Variants in CDK8 observed in about 807,000 individuals in gnomAD.
CDK8 encodes the protein cyclin dependent kinase 8.
A neutral mutation model predicts 71.5 loss-of-function variants in CDK8; 29 were observed. The observed-to-expected ratio is 0.41, with a 90% CI of 0.30 to 0.55. The LOEUF (loss-of-function observed/expected upper bound fraction) is 0.55, where lower values mean the gene tolerates loss of function less well. CDK8 is among the 20% of genes least tolerant of loss of function. The probability of loss-of-function intolerance (pLI) is 0.37; values close to 1 mark genes in which losing one functional copy is unlikely to be tolerated. For missense variants in CDK8, 288 were observed against 572.6 expected, an observed-to-expected ratio of 0.50 and a Z score of 5.07; for synonymous variants, 161 against 192.1, an observed-to-expected ratio of 0.84 and a Z score of 1.34.
intron 1 of CDK8, among the ~76,000 whole-genome samples, chr13:26,275,907 G>A (rs1239601464): frequency 6.6e-6 from 1 of 152,106 alleles, no homozygotes; most frequent in Non-Finnish European, 1.5e-5. Flanking sequence ...TCTGTCGCCA[G>A]GCTGGAGTGC....
intron 1 of CDK8, among the ~76,000 whole-genome samples, chr13:26,321,884 C>T (rs1874792654): frequency 6.6e-6 from 1 of 151,876 alleles, no homozygotes; most frequent in African/African-American, 2.4e-5. Flanking sequence ...TATAGAAAGA[C>T]CATATATGAA....
chr13:26,362,264 ATGG>A (rs1874184187), intron 4 of CDK8, among the ~76,000 whole-genome samples: 1 of 150,058 alleles, frequency 6.7e-6, no homozygotes, highest in Non-Finnish European at 1.5e-5. Context: ...GGATGGATGG[ATGG>A]ATAGATAGAT....
chr13:26,346,163 C>T (rs867552849), intron 2 of CDK8, among the ~76,000 whole-genome samples: 1 of 152,114 alleles, frequency 6.6e-6, no homozygotes, highest in African/African-American at 2.4e-5. Context: ...TATTTAAACC[C>T]CTTAAACCCC....
chr13:26,342,500 T>C (rs955796696), intron 2 of CDK8, among the ~76,000 whole-genome samples: 2 of 152,158 alleles, frequency 1.3e-5, no homozygotes, highest in Non-Finnish European at 2.9e-5. Context: ...TGTGTTTCAG[T>C]TTTCCCATTT....
rs1876438095 is a variant in CDK8, at chr13:26,404,864, C to T, written c.*783C>T. On this transcript the variant is annotated 3_prime_UTR_variant, in exon 13 of 13. Coordinates refer to ENST00000381527, the MANE Select transcript of CDK8 (RefSeq NM_001260.3). ...TGTCATAGACAGTGTTTTATTTTTC[C>T]TGTTGGTGTTGCTGATTTGTGAGCA... The T allele has an allele frequency of 9.4e-6, 2 of 213,624 alleles. No homozygotes were observed. The highest frequency in any genetic ancestry group is 1.4e-4 in the East Asian group (2 of 14,110). 13.2% of individuals were successfully genotyped at this position (213,624 alleles called of 1,614,324 possible).
intron 1 of CDK8, among the ~76,000 whole-genome samples, chr13:26,269,257 A>T (rs1872181921): frequency 6.6e-6 from 1 of 152,258 alleles, no homozygotes; most frequent in African/African-American, 2.4e-5. Context: ...ACTGCTTAAT[A>T]GACTTTGGAA....
chr13:26,261,379 G>C (rs943036272), intron 1 of CDK8, among the ~76,000 whole-genome samples: 5 of 152,068 alleles, frequency 3.3e-5, no homozygotes, highest in Admixed American at 1.3e-4. Flanking sequence ...TTAGTAGATC[G>C]ACGAGGCTGT....
In CDK8 at chr13:26,292,153, G is replaced by A. The variant is rs1322414199; in HGVS notation, c.128+37384G>A. On this transcript the variant is annotated intron_variant, in intron 1 of 12. Coordinates refer to ENST00000381527, the MANE Select transcript of CDK8 (RefSeq NM_001260.3). ...GTATTTAAATTTAAAAAGTCAACTT[G>A]GGAAATAAAGTGTGTGTATGTGTAT... is the stretch of plus-strand genomic sequence containing the variant. Among the ~76,000 whole-genome samples, 3 of 152,122 alleles carry A rather than the reference G, an allele frequency of 2.0e-5. No individual in the cohort carries two copies. In the East Asian group the frequency reaches 5.8e-4, roughly 29 times the overall value.
chr13:26,299,640 G>C (rs1004957230), intron 1 of CDK8, among the ~76,000 whole-genome samples: 1 of 152,134 alleles, frequency 6.6e-6, no homozygotes, highest in Non-Finnish European at 1.5e-5. Flanking sequence ...CTCTAGCATG[G>C]GGTTTCATTC....
In CDK8 at chr13:26,306,597, T is replaced by G. The variant is rs1874052496; in HGVS notation, c.129-30970T>G. Among the ~76,000 whole-genome samples the G allele has an allele frequency of 2.6e-5, 4 of 151,260 alleles. No homozygotes were observed. The South Asian group carries it at 8.3e-4, about 31-fold the overall frequency. On this transcript the variant is annotated intron_variant, in intron 1 of 12. Coordinates refer to ENST00000381527, the MANE Select transcript of CDK8 (RefSeq NM_001260.3). Reference sequence around the variant, plus strand: ...GGCCAAGGCCTTGATTCTTCCCTACTTCCCTCCCTTTGCCCCTTATTGCTC... The same window carrying G: ...GGCCAAGGCCTTGATTCTTCCCTACGTCCCTCCCTTTGCCCCTTATTGCTC...
chr13:26,268,294 CA>C (rs1872131756), intron 1 of CDK8, among the ~76,000 whole-genome samples: 1 of 150,906 alleles, frequency 6.6e-6, no homozygotes, highest in Non-Finnish European at 1.5e-5. Context: ...CACACACACA[CA>C]CACACACACA....
intron 1 of CDK8, among the ~76,000 whole-genome samples, chr13:26,275,858 T>C (rs1471036566): frequency 6.6e-6 from 1 of 152,176 alleles, no homozygotes; most frequent in East Asian, 1.9e-4. Flanking sequence ...TTTGGTGTTA[T>C]TGCATTGGCT....
At chr13:26,375,129 A>G (rs184194315) in intron 4 of CDK8, among the ~76,000 whole-genome samples, 334 of 152,316 alleles carry the variant, frequency 2.2e-3, no homozygotes, top group Non-Finnish European at 3.8e-3. Flanking sequence ...GATGCAAACA[A>G]TATATTTAGT....
intron 1 of CDK8, among the ~76,000 whole-genome samples, chr13:26,315,490 A>G (rs1228874963): frequency 6.6e-6 from 1 of 152,172 alleles, no homozygotes; most frequent in Admixed American, 6.5e-5. Flanking sequence ...AAAATAGTCT[A>G]TTAGCTCATG....
intron 1 of CDK8, among the ~76,000 whole-genome samples, chr13:26,281,817 A>G (rs1005932614): frequency 1.6e-4 from 25 of 152,286 alleles, no homozygotes; most frequent in Middle Eastern, 3.4e-3. Context: ...GATAATGTTT[A>G]TTCTAGAGAA....
intron 1 of CDK8, among the ~76,000 whole-genome samples, chr13:26,315,909 A>G (rs150414112): frequency 4.7e-4 from 71 of 152,250 alleles, no homozygotes; most frequent in Non-Finnish European, 9.1e-4. Flanking sequence ...TGTAACATAT[A>G]TTTTGGAACC....
At chr13:26,369,385 G>A (rs575726279) in intron 4 of CDK8, among the ~76,000 whole-genome samples, 2 of 134,772 alleles carry the variant, frequency 1.5e-5, no homozygotes, top group Non-Finnish European at 3.1e-5. Flanking sequence ...GGAGGCTGAA[G>A]TTGTGGTGAG....
At chr13:26,256,191 T>G (rs1039748781) in intron 1 of CDK8, among the ~76,000 whole-genome samples, 3 of 152,224 alleles carry the variant, frequency 2.0e-5, no homozygotes, top group African/African-American at 4.8e-5. Context: ...TTTAGCGGAA[T>G]GGATAGTCTG....
At chr13:26,400,291 A>G in intron 9 of CDK8, 162 bp from the exon 10 acceptor site, 1 of 597,854 alleles carries the variant, frequency 1.7e-6, no homozygotes, top group Non-Finnish European at 3.0e-6. Flanking sequence ...GTGAATTACT[A>G]CATTAAATTT....
Sources: allele counts gnomAD v4.1 joint callset (sites outside exome capture counted in the v4.1 genomes callset), GRCh38; gene constraint gnomAD v4.1.1; transcripts MANE v1.5; gene names NCBI Gene and HGNC (gene_info 2026-07-23, HGNC 2026-07-21).